RGS3: variants seen among roughly 807,000 people sequenced by gnomAD.
RGS3 encodes regulator of G-protein signalling 3.
RGS3 carries 80 observed loss-of-function variants against 132.6 expected under a neutral mutation model. That is an observed-to-expected ratio of 0.60 (90% CI 0.50 to 0.73). RGS3 has a LOEUF of 0.73. Among genes scored for constraint, RGS3 ranks in the 30% least tolerant of loss-of-function variants. The pLI is 0.00. For missense variants in RGS3, 1,382 were observed against 1,530.8 expected, an observed-to-expected ratio of 0.90 and a Z score of 1.62; for synonymous variants, 598 against 620.6, an observed-to-expected ratio of 0.96 and a Z score of 0.54.
chr9:113,561,685 G>A lies in RGS3; in HGVS notation c.2038-21765G>A, dbSNP rs1588252820. 4.0e-5 allele frequency among the ~76,000 whole-genome samples: 6 copies of A among 151,256 alleles called. 1 individual carries two copies. The East Asian group carries it at 1.2e-3, about 29-fold the overall frequency. On this transcript the variant is annotated intron_variant, in intron 19 of 24. Transcript: ENST00000350696. ...GATCCTCCCACCTCAGCCTCCCAAAGTGCTGAATTACATGCTCGTGATGGG... is the reference window on the plus strand; with the variant it reads ...GATCCTCCCACCTCAGCCTCCCAAAATGCTGAATTACATGCTCGTGATGGG...
At position 113,463,716 on chromosome 9, in the gene RGS3, C is replaced by A; in HGVS notation, c.415+1515C>A. On this transcript the variant is annotated intron_variant, in intron 3 of 24. Transcript: ENST00000350696. This position sits in a 1 kb window ranked among gnomAD's most constrained non-coding sequence, Gnocchi z 4.6. ...GGCAGCCCTACCTCCCGCTCGCGCT[C>A]CTCCCGCCCTGGAGACTCCGGTTAC... 6.8e-7 allele frequency: 1 copy of A among 1,471,732 alleles called. No individual in the cohort carries two copies. Among genetic ancestry groups the A allele is most frequent in the South Asian group, 1.4e-5 (1 of 71,912 alleles). The allele number at this position is 1,471,732 out of a possible 1,614,324, so 91.2% of individuals were successfully genotyped here. A position where few individuals can be genotyped will look rare whatever the true frequency, so the allele number is the denominator to read the frequency against.
chr9:113,580,835 G>A, intron 19 of RGS3: 13 of 985,712 alleles, frequency 1.3e-5, no homozygotes, highest in South Asian at 4.7e-5. Context: ...AGGGGTGGGC[G>A]GGCTCTGACT....
At chr9:113,527,863 G>A (rs960295378) in intron 17 of RGS3, among the ~76,000 whole-genome samples, 4 of 152,180 alleles carry the variant, frequency 2.6e-5, no homozygotes, top group Non-Finnish European at 5.9e-5. Flanking sequence ...TCTACCTTGA[G>A]CCCAGCACTG....
At position 113,549,174 on chromosome 9, in the gene RGS3, C is replaced by G. The variant is rs112765600; in HGVS notation, c.2037+12256C>G. On this transcript the variant is annotated intron_variant, in intron 19 of 24. Transcript: ENST00000350696. ...AGCCTCCTGCAGGTTTAGAGACAGA[C>G]AGGCCAGGGTTCAAATCCTAGCTCT... is the stretch of plus-strand genomic sequence containing the variant. Among the ~76,000 whole-genome samples the G allele has an allele frequency of 2.7e-4, 41 of 152,318 alleles. 1 individual carries two copies. Among genetic ancestry groups the G allele is most frequent in the African/African-American group, 8.9e-4 (37 of 41,574 alleles).
At chr9:113,483,061 A>G (rs758131377) in exon 5 of RGS3, 1 of 1,614,050 alleles carries the variant, frequency 6.2e-7, no homozygotes, top group South Asian at 1.1e-5. Context: ...TCTTTTAGTT[A>G]TAGAAGGTAA....
intron 14 of RGS3, among the ~76,000 whole-genome samples, chr9:113,513,224 A>G (rs902911198): frequency 4.6e-5 from 7 of 152,024 alleles, no homozygotes; most frequent in Non-Finnish European, 1.0e-4. Flanking sequence ...ACAACAACAA[A>G]AACGTGTGCA....
chr9:113,472,314 C>T (rs914257050), intron 3 of RGS3, among the ~76,000 whole-genome samples: 11 of 152,292 alleles, frequency 7.2e-5, no homozygotes, highest in Admixed American at 7.2e-4. Flanking sequence ...CATGTGTACA[C>T]ACACACATGT....
chr9:113,449,059 T>C (rs1829182406), intron 1 of RGS3, among the ~76,000 whole-genome samples: 1 of 152,160 alleles, frequency 6.6e-6, no homozygotes, highest in African/African-American at 2.4e-5. Context: ...TCGACTCTGA[T>C]AGCCAATGGG....
intron 19 of RGS3, among the ~76,000 whole-genome samples, chr9:113,542,548 T>C (rs1372752866): frequency 6.6e-6 from 1 of 152,100 alleles, no homozygotes; most frequent in Non-Finnish European, 1.5e-5. Flanking sequence ...AATGCCAGGC[T>C]CTGGAGAAGA....
At chr9:113,559,434 G>A (rs1211145705) in intron 19 of RGS3, among the ~76,000 whole-genome samples, 1 of 152,240 alleles carries the variant, frequency 6.6e-6, no homozygotes, top group Non-Finnish European at 1.5e-5. Context: ...CAGGATGGAG[G>A]CAGAAGCCAG....
intron 19 of RGS3, among the ~76,000 whole-genome samples, chr9:113,573,235 C>T (rs1834367110): frequency 6.6e-6 from 1 of 152,206 alleles, no homozygotes; most frequent in African/African-American, 2.4e-5. Context: ...CCCAGTTGTT[C>T]ATCAGCAATA....
At chr9:113,532,973 G>T (rs1832532998) in intron 18 of RGS3, among the ~76,000 whole-genome samples, 2 of 152,200 alleles carry the variant, frequency 1.3e-5, no homozygotes, top group Admixed American at 6.5e-5. Context: ...GCAAGAGGGA[G>T]CATTCCTGCC....
rs147507206 is a variant in RGS3 at position 113,507,351 on chromosome 9, G to A, written c.1150G>A (p.Asp384Asn). The change falls in exon 13 of 25, where the codon GAT (aspartate) becomes AAT (asparagine). Residue 384 changes from aspartate (D) to asparagine (N), a missense_variant. Transcript: ENST00000350696. The surrounding 1 kb of genome is among the most constrained non-coding windows in gnomAD (Gnocchi z 5.0). ...GGTCCCCCAGGTCAAGCCAGGACCA[G>A]ATGGCGGGGTCCTGCGGCGGGCCTC... is the stretch of plus-strand genomic sequence containing the variant. 1.1e-5 allele frequency: 18 copies of A among 1,613,894 alleles called. No individual in the cohort carries two copies. Among genetic ancestry groups the A allele is most frequent in the Non-Finnish European group, 1.4e-5 (17 of 1,180,028 alleles).
At chr9:113,445,609 C>G (rs1181899919) in intron 1 of RGS3, among the ~76,000 whole-genome samples, 1 of 152,210 alleles carries the variant, frequency 6.6e-6, no homozygotes, top group East Asian at 1.9e-4. Context: ...GGCCCATACT[C>G]AGAGCCAGCT....
chr9:113,524,430 C>T (rs1832105541), intron 17 of RGS3, among the ~76,000 whole-genome samples: 1 of 152,198 alleles, frequency 6.6e-6, no homozygotes, highest in South Asian at 2.1e-4. Flanking sequence ...GAATGGAACC[C>T]TCTCTCTGTT....
chr9:113,466,168 C>G (rs1829636103), intron 3 of RGS3, among the ~76,000 whole-genome samples: 1 of 152,174 alleles, frequency 6.6e-6, no homozygotes, highest in South Asian at 2.1e-4. Flanking sequence ...GGTTTGGAAG[C>G]TATGGATTCA....
chr9:113,514,486 C>G, exon 15 of RGS3: 1 of 1,614,138 alleles, frequency 6.2e-7, no homozygotes, highest in Non-Finnish European at 8.5e-7. Flanking sequence ...AAGGGAAGTC[C>G]TACACAGGCC....
chr9:113,580,104 C>T (rs1834717776), intron 19 of RGS3, among the ~76,000 whole-genome samples: 1 of 152,264 alleles, frequency 6.6e-6, no homozygotes, highest in South Asian at 2.1e-4. Flanking sequence ...ACCAAACCTG[C>T]ACGCAGTCCC....
At chr9:113,586,622 C>T (rs991198338) in intron 20 of RGS3, among the ~76,000 whole-genome samples, 5 of 152,236 alleles carry the variant, frequency 3.3e-5, no homozygotes, top group Non-Finnish European at 4.4e-5. Context: ...GGTGGCCACC[C>T]TTCCATGTGG....
Sources: gnomAD v4.1 joint callset for allele counts (sites outside exome capture counted in the v4.1 genomes callset) on GRCh38, gnomAD v4.1.1 for gene constraint, Gnocchi (gnomAD v3.1) non-coding constraint, MANE v1.5 for transcripts, NCBI Gene and HGNC (gene_info 2026-07-23, HGNC 2026-07-21) for gene names.